The following MICAL1 variants were observed in gnomAD, a reference collection of about 807,000 sequenced individuals.
The protein encoded by MICAL1 is [F-actin]-monooxygenase MICAL1.
In MICAL1, 95 loss-of-function variants were observed where a neutral mutation model predicts 131.8. The observed-to-expected ratio is 0.72, with a 90% CI of 0.61 to 0.86. MICAL1 has a LOEUF of 0.86. Ranked by LOEUF, MICAL1 falls within the 40% of genes least tolerant of loss-of-function variation. The pLI, the probability that MICAL1 is intolerant of heterozygous loss-of-function variation, is 0.00. For missense variants in MICAL1, 1,292 were observed against 1,380.6 expected (o/e 0.94, Z 1.02); for synonymous variants, 546 against 554.2 (o/e 0.99, Z 0.21).
intron 1 of MICAL1, chr6:109,462,658 T>C (rs565969971): frequency 3.3e-5 from 5 of 152,190 alleles, no homozygotes; most frequent in South Asian, 4.1e-4. Context: ...GAACCAACTG[T>C]AGAAAATACA....
intron 10 of MICAL1, 47 bp from the exon 11 acceptor site, chr6:109,449,528 C>A: frequency 6.2e-7 from 1 of 1,612,452 alleles, no homozygotes; most frequent in Non-Finnish European, 8.5e-7. Flanking sequence ...CCACACAGCC[C>A]CTGAGTCCAG....
chr6:109,444,995 C>A lies in MICAL1; in HGVS notation c.2882G>T (p.Ser961Ile), dbSNP rs760096538. ...KLELALRRQS[S>I]SPEQQKKLWV... Reference sequence around the variant, plus strand: ...TAGTTTCTTTTGCTGTTCTGGGGAACCTGAGAAGAAGGAAGATGGGTAGGG... The same window carrying A: ...TAGTTTCTTTTGCTGTTCTGGGGAAACTGAGAAGAAGGAAGATGGGTAGGG... The change falls in exon 23 of 25, where the codon AGT becomes ATT. Residue 961 changes from serine (S) to isoleucine (I), a missense_variant and splice_region_variant. Ser to Ile is a moderately radical substitution (Grantham distance 142). Coordinates refer to ENST00000358807, the MANE Select transcript of MICAL1 (RefSeq NM_022765.4). 1 of 1,613,492 alleles carries A rather than the reference C, an allele frequency of 6.2e-7. No homozygotes were observed. Among genetic ancestry groups the A allele is most frequent in the Non-Finnish European group, 8.5e-7 (1 of 1,180,034 alleles).
intron 1 of MICAL1, chr6:109,465,651 T>C: frequency 6.4e-7 from 1 of 1,560,856 alleles, no homozygotes; most frequent in Non-Finnish European, 8.6e-7. Flanking sequence ...AAATGCTCAA[T>C]ACAAATCAGT....
chr6:109,459,611 C>A (rs915878544), upstream of MICAL1, among the ~76,000 whole-genome samples: 17 of 152,096 alleles, frequency 1.1e-4, no homozygotes, highest in African/African-American at 3.6e-4. Flanking sequence ...TCAATACCTT[C>A]CCCAGAAGTC....
rs1308555229 is a variant in MICAL1 at position 109,452,313 on chromosome 6, C to T, written c.765G>A (p.Val255=). 3.1e-6 allele frequency: 5 copies of T among 1,614,182 alleles called. No homozygotes were observed. The South Asian group carries it at 5.5e-5, about 18-fold the overall frequency. ...VNGRTVEETQ[V]PEISGVARIY... ...TCCTGGCTACACCACTGATCTCCGG[C>T]ACCTGTGTCTCCTCCACGGTGCGTC... The change falls in exon 6 of 25, where the codon GTG becomes GTA. Residue 255 remains valine (V), a synonymous_variant. Coordinates refer to ENST00000358807, the MANE Select transcript of MICAL1 (RefSeq NM_022765.4).
In MICAL1 at chr6:109,447,425, G is replaced by A. The variant is rs144816738; in HGVS notation, c.2002C>T (p.Pro668Ser). The A allele has an allele frequency of 3.7e-6, 6 of 1,613,140 alleles. No homozygotes were observed. Among genetic ancestry groups the A allele is most frequent in the Non-Finnish European group, 3.4e-6 (4 of 1,179,612 alleles). The change falls in exon 16 of 25, where the codon CCA becomes TCA. Residue 668 changes from proline (P) to serine (S), a missense_variant. Pro to Ser is a moderately conservative substitution (Grantham distance 74). Transcript: ENST00000358807. ...GGGTCAGGTGGCACCTCAGTACTTGGGGTCTCGGCCTCCATCTAAGGAGGT... is the reference window on the plus strand; with the variant it reads ...GGGTCAGGTGGCACCTCAGTACTTGAGGTCTCGGCCTCCATCTAAGGAGGT... ...KLRLEMEAET[P>S]STEVPPDPEP...
At chr6:109,448,041 C>T (rs927649905) in intron 13 of MICAL1, 78 bp from the exon 14 acceptor site, 3 of 1,475,756 alleles carry the variant, frequency 2.0e-6, no homozygotes, top group African/African-American at 2.9e-5. Context: ...CACTCTCCAA[C>T]CCAGAAGGAC....
rs1157478669 is a variant in MICAL1 at position 109,449,986 on chromosome 6, C to A, written c.1291G>T (p.Glu431Ter). 1 of 1,614,020 alleles carries A rather than the reference C, an allele frequency of 6.2e-7. No individual in the cohort carries two copies. Among genetic ancestry groups the A allele is most frequent in the Non-Finnish European group, 8.5e-7 (1 of 1,179,948 alleles). The change falls in exon 9 of 25, where the codon GAG becomes TAG. Residue 431 changes from glutamate to a stop codon, truncating the protein, a stop_gained. Transcript: ENST00000358807. LOFTEE classifies it high-confidence loss of function. ...AGGTCTTACCGCTCAGCCAACACCTCTAGGGACTCAGCGCCCTCTGCCCAC... is the reference window on the plus strand; with the variant it reads ...AGGTCTTACCGCTCAGCCAACACCTATAGGGACTCAGCGCCCTCTGCCCAC... ...KRWAEGAESL[E>*]VLAERESLYQ... is the part of the protein sequence containing the mutation.
upstream of MICAL1, among the ~76,000 whole-genome samples, chr6:109,460,523 T>TACACACACACACACACACACACAC (rs113472586): frequency 6.8e-6 from 1 of 147,678 alleles, no homozygotes; most frequent in African/African-American, 2.5e-5. Context: ...TATATATAAA[T>TACACACACACACACACACACACAC]ACACACACAC....
intron 20 of MICAL1, 52 bp downstream of exon 20, chr6:109,445,719 T>C: frequency 6.3e-7 from 1 of 1,578,280 alleles, no homozygotes. Context: ...AGTGCAGGTT[T>C]CTCCTGTAGT....
chr6:109,452,494 G>C lies in MICAL1; in HGVS notation c.676+17C>G. On this transcript the variant is annotated intron_variant, in intron 5 of 24. Transcript: ENST00000358807. Reference sequence around the variant, plus strand: ...GTGCCAGAGATGCTGGCTTCTTTGAGGGAAGTGATCACTCACCTTCAGGGA... The same window carrying C: ...GTGCCAGAGATGCTGGCTTCTTTGACGGAAGTGATCACTCACCTTCAGGGA... 6.2e-7 allele frequency: 1 copy of C among 1,613,172 alleles called. No homozygotes were observed. Among genetic ancestry groups the C allele is most frequent in the Non-Finnish European group, 8.5e-7 (1 of 1,179,340 alleles).
intron 3 of MICAL1, 38 bp from the exon 4 acceptor site, chr6:109,453,405 G>A (rs568665696): frequency 1.6e-5 from 25 of 1,593,884 alleles, no homozygotes; most frequent in South Asian, 1.2e-4. Flanking sequence ...GGACCCTAGG[G>A]CAGCACAAGC....
chr6:109,454,842 TC>T (rs1775682411), intron 1 of MICAL1: 1 of 152,764 alleles, frequency 6.5e-6, no homozygotes, highest in South Asian at 2.1e-4. Flanking sequence ...AGGTTCCACT[TC>T]CCTCCACCAA....
rs1209818257 is a variant in MICAL1 at position 109,445,185 on chromosome 6, C to T, written c.2881+12G>A. 1 of 1,612,510 alleles carries T rather than the reference C, an allele frequency of 6.2e-7. No homozygotes were observed. The highest frequency in any genetic ancestry group is 8.5e-7 in the Non-Finnish European group (1 of 1,179,942). On this transcript the variant is annotated intron_variant, in intron 22 of 24. Transcript: ENST00000358807. ...GCTAGAAGGCAGAGGGGTGTCCTAG[C>T]TTGTCACTCACTGCTCTGGCGCCTC... is the stretch of plus-strand genomic sequence containing the variant.
upstream of MICAL1, among the ~76,000 whole-genome samples, chr6:109,457,069 C>A (rs766401409): frequency 2.0e-5 from 3 of 152,118 alleles, no homozygotes; most frequent in Non-Finnish European, 4.4e-5. Context: ...TAGGGCCTCT[C>A]CCTTTATTCT....
At chr6:109,464,349 T>C (rs1775981623) in intron 1 of MICAL1, 1 of 152,208 alleles carries the variant, frequency 6.6e-6, no homozygotes, top group Non-Finnish European at 1.5e-5. Context: ...AAATAACTTA[T>C]TTGATTTAGG....
intron 1 of MICAL1, chr6:109,462,922 C>G (rs1775925055): frequency 6.6e-6 from 1 of 152,230 alleles, no homozygotes; most frequent in Non-Finnish European, 1.5e-5. Context: ...GCACTAGCAA[C>G]ATCATTTCTC....
At chr6:109,446,101 C>A in intron 19 of MICAL1, 35 bp downstream of exon 19, 1 of 1,525,232 alleles carries the variant, frequency 6.6e-7, no homozygotes, top group South Asian at 1.3e-5. Context: ...CACCCTGTCC[C>A]ACCCTGGGTC....
At chr6:109,449,888 A>G (rs2115333084) in intron 9 of MICAL1, 82 bp downstream of exon 9, 2 of 1,588,914 alleles carry the variant, frequency 1.3e-6, no homozygotes, top group Non-Finnish European at 1.7e-6. Flanking sequence ...TCCTCCGTCT[A>G]TTCACTCAGC....
Sources: gnomAD v4.1 joint callset for allele counts (sites outside exome capture counted in the v4.1 genomes callset) on GRCh38, gnomAD v4.1.1 for gene constraint, MANE v1.5 for transcripts, NCBI Gene and HGNC (gene_info 2026-07-23, HGNC 2026-07-21) for gene names.